EPB41L5: variants seen among roughly 807,000 people sequenced by gnomAD.
EPB41L5 encodes the protein erythrocyte membrane protein band 4.1 like 5, also known as band 4.1-like protein 5.
In EPB41L5, 55 loss-of-function variants were observed where a neutral mutation model predicts 106.6. The ratio of observed to expected loss-of-function variants is 0.52; its 90% confidence interval spans 0.42 to 0.65. The LOEUF is 0.65. Ranked by LOEUF, EPB41L5 falls within the 30% of genes least tolerant of loss-of-function variation. The pLI, the probability that EPB41L5 is intolerant of heterozygous loss-of-function variation, is 0.00. For synonymous variants in EPB41L5, 297 were observed against 306.7 expected, an observed-to-expected ratio of 0.97 and a Z score of 0.33; for missense variants, 871 against 882.1, an observed-to-expected ratio of 0.99 and a Z score of 0.16.
At chr2:120,112,789 G>A (rs976016659) in intron 16 of EPB41L5, among the ~76,000 whole-genome samples, 8 of 152,214 alleles carry the variant, frequency 5.3e-5, no homozygotes, top group Non-Finnish European at 1.2e-4. Flanking sequence ...GCCAGACATT[G>A]TTCTGGAGGT....
chr2:120,168,361 G>A (rs1687511896), intron 24 of EPB41L5, among the ~76,000 whole-genome samples: 1 of 152,206 alleles, frequency 6.6e-6, no homozygotes, highest in Non-Finnish European at 1.5e-5. Context: ...GTCAACACAG[G>A]TGAAGAGGTG....
intron 20 of EPB41L5, among the ~76,000 whole-genome samples, chr2:120,157,790 C>CA (rs950407156): frequency 1.4e-5 from 2 of 147,470 alleles, no homozygotes; most frequent in Admixed American, 6.8e-5. Flanking sequence ...AAAAAAAATC[C>CA]AAAAAAACCA....
At chr2:120,147,327 T>TG (rs1686449337) in intron 20 of EPB41L5, among the ~76,000 whole-genome samples, 1 of 152,084 alleles carries the variant, frequency 6.6e-6, no homozygotes, top group African/African-American at 2.4e-5. Context: ...TCATTCTGAG[T>TG]GACAGAGTGA....
chr2:120,173,066 A>AAC (rs1687755466), intron 24 of EPB41L5, among the ~76,000 whole-genome samples: 1 of 152,122 alleles, frequency 6.6e-6, no homozygotes, highest in Non-Finnish European at 1.5e-5. Flanking sequence ...CGTTTCTAAA[A>AAC]AACAACAACA....
At chr2:120,108,311 G>T (rs1684566181) in intron 16 of EPB41L5, 1 of 152,020 alleles carries the variant, frequency 6.6e-6, no homozygotes. Flanking sequence ...GTGTAATAAT[G>T]TACCTCCTCA....
intron 18 of EPB41L5, among the ~76,000 whole-genome samples, chr2:120,137,575 C>T (rs1685981989): frequency 6.6e-6 from 1 of 151,968 alleles, no homozygotes; most frequent in Non-Finnish European, 1.5e-5. Flanking sequence ...GTATGAGCAA[C>T]TATATGCCAA....
At chr2:120,015,010 A>G (rs1260161367) in intron 1 of EPB41L5, among the ~76,000 whole-genome samples, 1 of 150,468 alleles carries the variant, frequency 6.6e-6, no homozygotes, top group Admixed American at 6.6e-5. Flanking sequence ...TGATCCATTC[A>G]TATTATTTTT....
chr2:120,077,906 TATAATC>T (rs1256840909), intron 9 of EPB41L5, among the ~76,000 whole-genome samples: 2 of 152,138 alleles, frequency 1.3e-5, no homozygotes, highest in Admixed American at 6.6e-5. Flanking sequence ...TCAGGAAACT[TATAATC>T]ATTGGGCAAC....
chr2:120,071,359 T>A (rs2105312977), intron 3 of EPB41L5, among the ~76,000 whole-genome samples: 1 of 152,316 alleles, frequency 6.6e-6, no homozygotes, highest in East Asian at 1.9e-4. Context: ...AAACATTTCA[T>A]GCTCATGGAT....
At chr2:120,123,001 C>A (rs930048012) in intron 16 of EPB41L5, among the ~76,000 whole-genome samples, 1 of 152,170 alleles carries the variant, frequency 6.6e-6, no homozygotes, top group South Asian at 2.1e-4. Flanking sequence ...GATTTTTACA[C>A]ATTGATTTTT....
chr2:120,098,053 G>T (rs1212141080), intron 14 of EPB41L5, among the ~76,000 whole-genome samples: 1 of 152,038 alleles, frequency 6.6e-6, no homozygotes, highest in African/African-American at 2.4e-5. Context: ...TTAGGATCAT[G>T]GGTATTCTAG....
At chr2:120,148,276 A>G (rs926010765) in intron 20 of EPB41L5, among the ~76,000 whole-genome samples, 2 of 152,128 alleles carry the variant, frequency 1.3e-5, no homozygotes, top group African/African-American at 2.4e-5. Flanking sequence ...TTGTTTGAGA[A>G]TGTTCTAGAA....
intron 16 of EPB41L5, among the ~76,000 whole-genome samples, chr2:120,115,354 G>T (rs1428511169): frequency 6.6e-6 from 1 of 152,022 alleles, no homozygotes; most frequent in Non-Finnish European, 1.5e-5. Context: ...TTTGTGTTAA[G>T]TAGATATGTT....
chr2:120,112,194 T>G (rs923335098), intron 16 of EPB41L5, among the ~76,000 whole-genome samples: 1 of 152,198 alleles, frequency 6.6e-6, no homozygotes, highest in Admixed American at 6.5e-5. Context: ...TTATGATGAT[T>G]CTTAGGATTT....
At chr2:120,100,873 CA>C in intron 16 of EPB41L5, 59 bp downstream of exon 16, 1 of 1,165,416 alleles carries the variant, frequency 8.6e-7, no homozygotes, top group East Asian at 2.6e-5. Flanking sequence ...TTTGGAATTC[CA>C]AGTCATAATC....
chr2:120,119,758 A>G (rs947056680), intron 16 of EPB41L5, among the ~76,000 whole-genome samples: 3 of 152,228 alleles, frequency 2.0e-5, no homozygotes, highest in African/African-American at 7.2e-5. Flanking sequence ...AAAACCTGCA[A>G]TGAATTTACA....
chr2:120,082,760 T>C (rs1217262543), intron 10 of EPB41L5, among the ~76,000 whole-genome samples: 1 of 152,212 alleles, frequency 6.6e-6, no homozygotes, highest in African/African-American at 2.4e-5. Flanking sequence ...TGGTAGACTA[T>C]TAATTATTGC....
At chr2:120,143,483 T>A (rs1216405130) in intron 19 of EPB41L5, among the ~76,000 whole-genome samples, 2 of 152,102 alleles carry the variant, frequency 1.3e-5, no homozygotes, top group Non-Finnish European at 2.9e-5. Flanking sequence ...AAGAGTGAGG[T>A]ACAAGGTGAA....
intron 20 of EPB41L5, among the ~76,000 whole-genome samples, chr2:120,155,760 G>C (rs1026564318): frequency 6.6e-6 from 1 of 151,364 alleles, no homozygotes; most frequent in African/African-American, 2.4e-5. Context: ...TATTCTGCCT[G>C]CTTGAATCTG....
Sources: gnomAD v4.1 joint callset for allele counts (sites outside exome capture counted in the v4.1 genomes callset) on GRCh38, gnomAD v4.1.1 for gene constraint, MANE v1.5 for transcripts, NCBI Gene and HGNC (gene_info 2026-07-23, HGNC 2026-07-21) for gene names.